The following LPAR3 variants were observed in gnomAD, a reference collection of about 807,000 sequenced individuals.
LPAR3 encodes lysophosphatidic acid receptor 3, also known as LPA receptor 3.
Under a neutral mutation model 17.8 loss-of-function variants are expected in LPAR3, and 7 were observed. That is an observed-to-expected ratio of 0.39 (90% CI 0.22 to 0.74). The LOEUF (loss-of-function observed/expected upper bound fraction) is 0.74, where lower values mean the gene tolerates loss of function less well. LPAR3 is among the 30% of genes least tolerant of loss of function. The probability of loss-of-function intolerance (pLI) is 0.40; values close to 1 mark genes in which losing one functional copy is unlikely to be tolerated. For missense variants in LPAR3, 391 were observed against 453.4 expected (o/e 0.86, Z 1.25); for synonymous variants, 179 against 179.9 (o/e 0.99, Z 0.04).
At chr1:84,850,430 GA>G (rs1268087348) in intron 2 of LPAR3, among the ~76,000 whole-genome samples, 1 of 137,782 alleles carries the variant, frequency 7.3e-6, no homozygotes, top group Admixed American at 7.2e-5. Flanking sequence ...AAAAGAAAAA[GA>G]AAAAAAATAG....
chr1:84,884,961 G>A (rs76826134), intron 1 of LPAR3, among the ~76,000 whole-genome samples: 4,264 of 152,264 alleles, frequency 0.028, 185 homozygotes, highest in African/African-American at 0.095. Context: ...TTCTCTCACT[G>A]TTCAGCATAT....
intron 2 of LPAR3, among the ~76,000 whole-genome samples, chr1:84,847,508 C>T (rs1164407255): frequency 1.3e-5 from 2 of 152,178 alleles, no homozygotes; most frequent in African/African-American, 4.8e-5. Context: ...CTTCCAAACC[C>T]AAGTGCCTGG....
At chr1:84,869,253 C>G (rs1471938830) in intron 1 of LPAR3, among the ~76,000 whole-genome samples, 2 of 152,050 alleles carry the variant, frequency 1.3e-5, no homozygotes, top group African/African-American at 4.8e-5. Context: ...TTGTCAAAAC[C>G]AAAACAGTTT....
chr1:84,865,614 G>C lies in LPAR3; in HGVS notation c.507C>G (p.Cys169Trp). ...MGAVPTLGWN[C>W]LCNISACSSL... ...AAGAGCAGGCAGAGATGTTGCAGAG[G>C]CAATTCCAGCCCAGTGTGGGGACCG... The change falls in exon 2 of 3, where the codon TGC becomes TGG. Residue 169 changes from cysteine to tryptophan, a missense_variant. Coordinates refer to ENST00000370611, the MANE Select transcript of LPAR3 (RefSeq NM_012152.3). 1 of 1,614,200 alleles carries C rather than the reference G, an allele frequency of 6.2e-7. No homozygotes were observed.
chr1:84,843,649 T>C (rs919558362), intron 2 of LPAR3, among the ~76,000 whole-genome samples: 3 of 152,270 alleles, frequency 2.0e-5, no homozygotes, highest in African/African-American at 4.8e-5. Flanking sequence ...GTTAAAATAC[T>C]ACCCTATGCT....
intron 2 of LPAR3, among the ~76,000 whole-genome samples, chr1:84,850,313 T>G (rs149760913): frequency 1.2e-4 from 17 of 147,378 alleles, no homozygotes; most frequent in African/African-American, 4.3e-4. Flanking sequence ...CCCCAGCACT[T>G]TGGGAGGCTG....
Position 84,813,156 on chromosome 1 carries a change from T to TAGAGAGAGAGAG in LPAR3, c.*689_*690insCTCTCTCTCTCT, listed in dbSNP as rs1274265374. Reference sequence around the variant, plus strand: ...ATATATATATATATATATATATATATATAGACACACACACACACACACACA... The same window carrying TAGAGAGAGAGAG: ...ATATATATATATATATATATATATATAGAGAGAGAGAGATAGACACACACACACACACACACA... On this transcript the variant is annotated 3_prime_UTR_variant, in exon 3 of 3. Coordinates refer to ENST00000370611, the MANE Select transcript of LPAR3 (RefSeq NM_012152.3). 396 of 102,184 alleles carry TAGAGAGAGAGAG rather than the reference T, an allele frequency of 3.9e-3. 5 individuals are homozygous for TAGAGAGAGAGAG. Among genetic ancestry groups the TAGAGAGAGAGAG allele is most frequent in the East Asian group, 0.023 (87 of 3,712 alleles). The allele number at this position is 102,184 out of a possible 1,614,324, so 6.3% of individuals were successfully genotyped here. A position where few individuals can be genotyped will look rare whatever the true frequency, so the allele number is the denominator to read the frequency against.
At chr1:84,834,131 C>A (rs959367189) in intron 2 of LPAR3, among the ~76,000 whole-genome samples, 3 of 152,076 alleles carry the variant, frequency 2.0e-5, no homozygotes, top group Non-Finnish European at 2.9e-5. Flanking sequence ...AGCCATGCTG[C>A]AAATATTTTT....
At chr1:84,849,528 A>T (rs1319704362) in intron 2 of LPAR3, among the ~76,000 whole-genome samples, 1 of 152,122 alleles carries the variant, frequency 6.6e-6, no homozygotes. Flanking sequence ...AGATAGGCAG[A>T]CTCAGCACAG....
intron 1 of LPAR3, among the ~76,000 whole-genome samples, chr1:84,886,407 T>A (rs1172181970): frequency 1.3e-5 from 2 of 151,958 alleles, no homozygotes; most frequent in African/African-American, 4.8e-5. Flanking sequence ...GCACCTGGAG[T>A]CCTAGCTACT....
chr1:84,866,825 T>G (rs1660060063), intron 1 of LPAR3, among the ~76,000 whole-genome samples: 1 of 152,200 alleles, frequency 6.6e-6, no homozygotes, highest in Admixed American at 6.5e-5. Context: ...GGATGGAGAC[T>G]TTGGTCCCAA....
chr1:84,834,004 A>G (rs1281599072), intron 2 of LPAR3, among the ~76,000 whole-genome samples: 1 of 152,238 alleles, frequency 6.6e-6, no homozygotes, highest in East Asian at 1.9e-4. Flanking sequence ...TGACTTTTCA[A>G]AAAATAAATT....
At chr1:84,825,512 T>C (rs1659138989) in intron 2 of LPAR3, among the ~76,000 whole-genome samples, 1 of 152,292 alleles carries the variant, frequency 6.6e-6, no homozygotes, top group South Asian at 2.1e-4. Context: ...TGTTCTGTGT[T>C]TTTAAATGGA....
intron 2 of LPAR3, among the ~76,000 whole-genome samples, chr1:84,832,271 A>C (rs901936278): frequency 6.6e-6 from 1 of 152,130 alleles, no homozygotes; most frequent in East Asian, 1.9e-4. Flanking sequence ...TCTAATGTGC[A>C]TTTTCTTGTT....
chr1:84,832,193 C>T (rs540957856), intron 2 of LPAR3, among the ~76,000 whole-genome samples: 2 of 152,294 alleles, frequency 1.3e-5, no homozygotes, highest in East Asian at 1.9e-4. Context: ...AAAGGGCAGT[C>T]ACAGTTACAA....
intron 2 of LPAR3, among the ~76,000 whole-genome samples, chr1:84,849,930 T>A (rs886926297): frequency 3.3e-5 from 5 of 152,126 alleles, no homozygotes; most frequent in Admixed American, 1.3e-4. Flanking sequence ...GGCCAAGCAT[T>A]CCAGGGCCGG....
rs769953448 is a variant in LPAR3 at position 84,813,126 on chromosome 1, A to AATATATATATAT, written c.*708_*719dup. ...ATCAATAAAAATCAGTAAAAACAGG[A>AATATATATATAT]ATATATATATATATATATATATATA... On this transcript the variant is annotated 3_prime_UTR_variant, in exon 3 of 3. Coordinates refer to ENST00000370611, the MANE Select transcript of LPAR3 (RefSeq NM_012152.3). 0.037 allele frequency: 2,636 copies of AATATATATATAT among 71,198 alleles called. 65 individuals are homozygous for AATATATATATAT. Among genetic ancestry groups the AATATATATATAT allele is most frequent in the African/African-American group, 0.047 (610 of 13,044 alleles). 4.4% of individuals were successfully genotyped at this position (71,198 alleles called of 1,614,324 possible).
At position 84,865,587 on chromosome 1, in the gene LPAR3, G is replaced by A; in HGVS notation, c.534C>T (p.Ser178=). Reference sequence around the variant, plus strand: ...AACTCCTGCTGTAAATGGGGGCCAGGGAAGAGCAGGCAGAGATGTTGCAGA... The same window carrying A: ...AACTCCTGCTGTAAATGGGGGCCAGAGAAGAGCAGGCAGAGATGTTGCAGA... The part of the protein sequence containing the change: ...NCLCNISACS[S]LAPIYSRSYL... The change falls in exon 2 of 3, where the codon TCC becomes TCT. Residue 178 remains serine, a synonymous_variant. Coordinates refer to ENST00000370611, the MANE Select transcript of LPAR3 (RefSeq NM_012152.3). 1 of 1,614,220 alleles carries A rather than the reference G, an allele frequency of 6.2e-7. No individual in the cohort carries two copies. The highest frequency in any genetic ancestry group is 8.5e-7 in the Non-Finnish European group (1 of 1,180,048).
At position 84,877,971 on chromosome 1, in the gene LPAR3, A is replaced by C. The variant is rs543152514; in HGVS notation, c.-18-11833T>G. ...TGGAAACCTGATGACAATTGTGTTGAACAATGTTAGGATGATACAGCAGAA... is the reference window on the plus strand; with the variant it reads ...TGGAAACCTGATGACAATTGTGTTGCACAATGTTAGGATGATACAGCAGAA... On this transcript the variant is annotated intron_variant, in intron 1 of 2. Transcript: ENST00000370611. Among the ~76,000 whole-genome samples the C allele has an allele frequency of 5.9e-5, 9 of 152,230 alleles. No individual in the cohort carries two copies. The South Asian group carries it at 1.7e-3, about 28-fold the overall frequency.
Sources: gnomAD v4.1 joint callset for allele counts (sites outside exome capture counted in the v4.1 genomes callset) on GRCh38, gnomAD v4.1.1 for gene constraint, MANE v1.5 for transcripts, NCBI Gene and HGNC (gene_info 2026-07-23, HGNC 2026-07-21) for gene names.